The following KIRREL1 variants were observed in gnomAD, a reference collection of about 807,000 sequenced individuals.
KIRREL1 encodes kirre like nephrin family adhesion molecule 1.
A neutral mutation model predicts 83.3 loss-of-function variants in KIRREL1; 25 were observed. That is an observed-to-expected ratio of 0.30 (90% CI 0.22 to 0.42). The LOEUF is 0.42. KIRREL1 is among the 10% of genes least tolerant of loss of function. The pLI, the probability that KIRREL1 is intolerant of heterozygous loss-of-function variation, is 1.00. For missense variants in KIRREL1, 812 were observed against 1,032.3 expected (o/e 0.79, Z 2.92); for synonymous variants, 388 against 410.4 (o/e 0.95, Z 0.66).
At chr1:158,004,324 A>G (rs1383906125) in intron 1 of KIRREL1, among the ~76,000 whole-genome samples, 2 of 152,240 alleles carry the variant, frequency 1.3e-5, no homozygotes, top group Admixed American at 1.3e-4. Context: ...GACAATAGAA[A>G]TGAGAGATGA....
chr1:158,008,711 T>C (rs930420973), intron 1 of KIRREL1, among the ~76,000 whole-genome samples: 1 of 152,104 alleles, frequency 6.6e-6, no homozygotes, highest in Non-Finnish European at 1.5e-5. Context: ...CTCAGCACCA[T>C]GTGGGAGCTG....
chr1:158,013,569 C>T (rs76662420), intron 1 of KIRREL1, among the ~76,000 whole-genome samples: 3 of 152,340 alleles, frequency 2.0e-5, no homozygotes, highest in Admixed American at 6.5e-5. Context: ...TCGTAGAGTA[C>T]AGTTTGAAAA....
intron 1 of KIRREL1, among the ~76,000 whole-genome samples, chr1:158,018,857 G>A (rs763893014): frequency 1.9e-4 from 29 of 152,196 alleles, no homozygotes; most frequent in Non-Finnish European, 3.5e-4. Flanking sequence ...CGATTGATGT[G>A]CTACGAGAGA....
At chr1:158,076,080 T>C (rs1305319259) in intron 1 of KIRREL1, 33 bp from the exon 2 acceptor site, 2 of 1,603,574 alleles carry the variant, frequency 1.2e-6, no homozygotes, top group East Asian at 4.5e-5. Context: ...CTCTCCTTAC[T>C]CATCTTACCC....
intron 1 of KIRREL1, among the ~76,000 whole-genome samples, chr1:158,031,943 T>C (rs1057183915): frequency 6.6e-6 from 1 of 151,716 alleles, no homozygotes; most frequent in African/African-American, 2.4e-5. Flanking sequence ...ATTAGCCTGG[T>C]GTGGTGGTGC....
chr1:158,089,886 C>A, intron 10 of KIRREL1, 68 bp downstream of exon 10: 1 of 1,380,922 alleles, frequency 7.2e-7, no homozygotes, highest in Non-Finnish European at 1.0e-6. Context: ...AGCCTCCTCT[C>A]ACTTCTGCTG....
intron 1 of KIRREL1, among the ~76,000 whole-genome samples, chr1:158,074,614 GC>G (rs950992306): frequency 1.4e-4 from 21 of 152,162 alleles, no homozygotes; most frequent in Non-Finnish European, 4.4e-5. Flanking sequence ...TAACAGCAGG[GC>G]CGAGTGACGC....
chr1:158,008,656 C>T (rs1011874549), intron 1 of KIRREL1, among the ~76,000 whole-genome samples: 3 of 152,112 alleles, frequency 2.0e-5, no homozygotes, highest in African/African-American at 7.2e-5. Flanking sequence ...AGGGAATGAT[C>T]ACTCAGTAGT....
At chr1:158,049,144 G>T (rs1037813135) in intron 1 of KIRREL1, among the ~76,000 whole-genome samples, 1 of 152,204 alleles carries the variant, frequency 6.6e-6, no homozygotes, top group African/African-American at 2.4e-5. Flanking sequence ...TTAACTTTTG[G>T]ATTCAGTTCA....
chr1:158,018,194 A>T (rs1418495964), intron 1 of KIRREL1, among the ~76,000 whole-genome samples: 1 of 152,134 alleles, frequency 6.6e-6, no homozygotes, highest in Non-Finnish European at 1.5e-5. Flanking sequence ...CTGCCATTTT[A>T]ATTTCACCCT....
chr1:158,022,265 A>G (rs1660020959), intron 1 of KIRREL1, among the ~76,000 whole-genome samples: 1 of 152,218 alleles, frequency 6.6e-6, no homozygotes, highest in South Asian at 2.1e-4. Context: ...TAAGAGCATT[A>G]TAAGTATCCC....
chr1:158,069,253 C>T lies in KIRREL1; in HGVS notation c.53-6860C>T, dbSNP rs959807544. ...GCATGTGCTTGCTGGTAAATGCATG[C>T]GCTTGTGTGTTATGGTACATGTGTC... On this transcript the variant is annotated intron_variant, in intron 1 of 14. Transcript: ENST00000359209. Among the ~76,000 whole-genome samples the T allele has an allele frequency of 7.3e-5, 11 of 150,864 alleles. No individual in the cohort carries two copies. In the South Asian group the frequency reaches 1.9e-3, roughly 26 times the overall value.
In KIRREL1 at chr1:158,086,747, G is replaced by A. The variant is rs1223717308; in HGVS notation, c.661+1G>A. 1.9e-6 allele frequency: 3 copies of A among 1,550,720 alleles called. No individual in the cohort carries two copies. Among genetic ancestry groups the A allele is most frequent in the Non-Finnish European group, 2.6e-6 (3 of 1,146,646 alleles). Reference sequence around the variant, plus strand: ...ACTTCCATCGAGCTGGATGTGCACCGTGAGTGGGCTGGGGGGAGCAGTCTG... The same window carrying A: ...ACTTCCATCGAGCTGGATGTGCACCATGAGTGGGCTGGGGGGAGCAGTCTG... On this transcript the variant is annotated splice_donor_variant, in intron 5 of 14. Coordinates refer to ENST00000359209, the MANE Select transcript of KIRREL1 (RefSeq NM_018240.7). LOFTEE classifies it high-confidence loss of function.
At chr1:158,056,119 C>T (rs192915140) in intron 1 of KIRREL1, among the ~76,000 whole-genome samples, 2 of 152,316 alleles carry the variant, frequency 1.3e-5, no homozygotes, top group Non-Finnish European at 2.9e-5. Context: ...ACTCCTCGCC[C>T]CCCCTCATCC....
intron 1 of KIRREL1, among the ~76,000 whole-genome samples, chr1:158,049,975 C>A (rs954583022): frequency 2.6e-5 from 4 of 152,106 alleles, no homozygotes; most frequent in African/African-American, 9.7e-5. Flanking sequence ...GTGGACTGAG[C>A]TGGTCTTCAA....
At position 158,094,459 on chromosome 1, in the gene KIRREL1, G is replaced by C; in HGVS notation, c.1797+69G>C. 2.7e-6 allele frequency: 4 copies of C among 1,493,738 alleles called. No homozygotes were observed. In the South Asian group the frequency reaches 3.4e-5, roughly 13 times the overall value. 92.5% of individuals were successfully genotyped at this position (1,493,738 alleles called of 1,614,324 possible). On this transcript the variant is annotated intron_variant, in intron 14 of 14. Coordinates refer to ENST00000359209, the MANE Select transcript of KIRREL1 (RefSeq NM_018240.7). The surrounding 1 kb of genome is among the most constrained non-coding windows in gnomAD (Gnocchi z 4.6). ...AGTGGGTTTCTGAGGTCCTGTAGCG[G>C]GGAGGTGAGGTGAGGACAGACTTGG...
At chr1:158,018,293 C>T (rs1659893236) in intron 1 of KIRREL1, among the ~76,000 whole-genome samples, 1 of 152,284 alleles carries the variant, frequency 6.6e-6, no homozygotes, top group African/African-American at 2.4e-5. Flanking sequence ...CACCACAGGT[C>T]CCAGCCTAAT....
In KIRREL1 at chr1:158,007,399, G is replaced by T. The variant is rs923486124; in HGVS notation, c.52+13671G>T. Reference sequence around the variant, plus strand: ...GAAGTGAAGACGATTCTTATAGGGGGTCTAATAGAATGGGGTGGGGCCGGA... The same window carrying T: ...GAAGTGAAGACGATTCTTATAGGGGTTCTAATAGAATGGGGTGGGGCCGGA... On this transcript the variant is annotated intron_variant, in intron 1 of 14. Transcript: ENST00000359209. 9.9e-5 allele frequency among the ~76,000 whole-genome samples: 15 copies of T among 152,260 alleles called. No homozygotes were observed. In the South Asian group the frequency reaches 1.7e-3, roughly 17 times the overall value.
chr1:158,074,516 C>T (rs1305954863), intron 1 of KIRREL1, among the ~76,000 whole-genome samples: 1 of 152,206 alleles, frequency 6.6e-6, no homozygotes, highest in Non-Finnish European at 1.5e-5. Context: ...CAAATGTCCT[C>T]ACCTACTAGT....
Sources: allele counts gnomAD v4.1 joint callset (sites outside exome capture counted in the v4.1 genomes callset), GRCh38; gene constraint gnomAD v4.1.1; non-coding constraint Gnocchi (gnomAD v3.1); transcripts MANE v1.5; gene names NCBI Gene and HGNC (gene_info 2026-07-23, HGNC 2026-07-21).